The following LEPR variants were observed in gnomAD, a reference collection of about 807,000 sequenced individuals.
LEPR encodes the protein OB receptor.
Under a neutral mutation model 114.7 loss-of-function variants are expected in LEPR, and 56 were observed. The ratio of observed to expected loss-of-function variants is 0.49; its 90% CI spans 0.39 to 0.61. The LOEUF (loss-of-function observed/expected upper bound fraction) is 0.61, where lower values mean the gene tolerates loss of function less well. LEPR is among the 20% of genes least tolerant of loss of function. The probability of loss-of-function intolerance (pLI) is 0.00; values close to 1 mark genes in which losing one functional copy is unlikely to be tolerated. For missense variants in LEPR, 1,202 were observed against 1,352.9 expected (o/e 0.89, Z 1.75); for synonymous variants, 443 against 461.4 (o/e 0.96, Z 0.51).
intron 4 of LEPR, among the ~76,000 whole-genome samples, chr1:65,571,281 T>TA (rs1654130387): frequency 6.6e-6 from 1 of 152,150 alleles, no homozygotes; most frequent in Non-Finnish European, 1.5e-5. Flanking sequence ...ACTGCTATGG[T>TA]ACATGTTTAC....
Position 65,435,651 on chromosome 1 carries a change from G to A in LEPR, c.-21+10273G>A, listed in dbSNP as rs370266530. 79 of 984,542 alleles carry A rather than the reference G, an allele frequency of 8.0e-5. No individual in the cohort carries two copies. In the African/African-American group the frequency reaches 1.3e-3, roughly 16 times the overall value. The allele number at this position is 984,542 out of a possible 1,614,324, so 61.0% of individuals were successfully genotyped here. Reference sequence around the variant, plus strand: ...CAAAGTGCTGGGATTACAGGCCTGAGCCACTGTGCCCAGCCAAAATGTGCC... The same window carrying A: ...CAAAGTGCTGGGATTACAGGCCTGAACCACTGTGCCCAGCCAAAATGTGCC... On this transcript the variant is annotated intron_variant, in intron 2 of 19. Coordinates refer to ENST00000349533, the MANE Select transcript of LEPR (RefSeq NM_002303.6).
intron 2 of LEPR, among the ~76,000 whole-genome samples, chr1:65,484,421 C>T (rs891017054): frequency 6.6e-6 from 1 of 151,956 alleles, no homozygotes; most frequent in Non-Finnish European, 1.5e-5. Flanking sequence ...TCGTTTATCA[C>T]ACACTTGTTT....
intron 2 of LEPR, among the ~76,000 whole-genome samples, chr1:65,549,325 C>G (rs1264974229): frequency 1.1e-3 from 164 of 150,830 alleles, no homozygotes; most frequent in African/African-American, 3.8e-3. Context: ...TTGTGGCGTT[C>G]TCTGTATTTC....
chr1:65,609,706 G>A (rs1224683808), intron 12 of LEPR, among the ~76,000 whole-genome samples: 1 of 152,164 alleles, frequency 6.6e-6, no homozygotes, highest in African/African-American at 2.4e-5. Flanking sequence ...AAGGTTGCAA[G>A]TAAACCAGTT....
At chr1:65,624,757 G>A (rs1051911562) in intron 19 of LEPR, among the ~76,000 whole-genome samples, 7 of 152,184 alleles carry the variant, frequency 4.6e-5, no homozygotes, top group African/African-American at 1.7e-4. Flanking sequence ...ATGATTTGCA[G>A]TTAGAAAAAC....
Position 65,633,336 on chromosome 1 carries a change from AT to A in LEPR, c.2674-2854del. 1 of 1,355,996 alleles carries A rather than the reference AT, an allele frequency of 7.4e-7. No individual in the cohort carries two copies. Among genetic ancestry groups the A allele is most frequent in the South Asian group, 2.1e-5 (1 of 46,816 alleles). The allele number at this position is 1,355,996 out of a possible 1,614,324, so 84.0% of individuals were successfully genotyped here. A position where few individuals can be genotyped will look rare whatever the true frequency, so the allele number is the denominator to read the frequency against. ...GGATTATGTTGATTTAGAACTTAAA[AT>A]AGATGTGTAAATTTGGGTTCAAAAT... On this transcript the variant is annotated intron_variant, in intron 19 of 19. Coordinates refer to ENST00000349533, the MANE Select transcript of LEPR (RefSeq NM_002303.6). The surrounding 1 kb of genome is among the most constrained non-coding windows in gnomAD (Gnocchi z 4.1).
intron 2 of LEPR, among the ~76,000 whole-genome samples, chr1:65,553,947 T>C (rs192488581): frequency 6.6e-5 from 10 of 152,320 alleles, no homozygotes; most frequent in African/African-American, 9.6e-5. Context: ...TAGTTTTCCT[T>C]CTACCAGTCA....
intron 2 of LEPR, among the ~76,000 whole-genome samples, chr1:65,438,773 T>G (rs1363073430): frequency 6.6e-6 from 1 of 152,196 alleles, no homozygotes; most frequent in Admixed American, 6.5e-5. Flanking sequence ...GGTTGGAAAC[T>G]GCTGAAAGCA....
chr1:65,610,586 TA>T (rs1209491691), intron 14 of LEPR, among the ~76,000 whole-genome samples: 1 of 152,182 alleles, frequency 6.6e-6, no homozygotes, highest in Non-Finnish European at 1.5e-5. Flanking sequence ...TGTGTAAATG[TA>T]ATATTGAACT....
chr1:65,491,774 T>C (rs1647885483), intron 2 of LEPR, among the ~76,000 whole-genome samples: 1 of 152,170 alleles, frequency 6.6e-6, no homozygotes, highest in African/African-American at 2.4e-5. Context: ...GTTTCATTTT[T>C]ACCAGTATCC....
chr1:65,489,494 A>C (rs1404318052), intron 2 of LEPR, among the ~76,000 whole-genome samples: 1 of 151,970 alleles, frequency 6.6e-6, no homozygotes, highest in Non-Finnish European at 1.5e-5. Context: ...GAGTTGTTTG[A>C]GTTACTTATA....
chr1:65,531,711 A>G (rs943095881), intron 2 of LEPR, among the ~76,000 whole-genome samples: 4 of 152,170 alleles, frequency 2.6e-5, no homozygotes, highest in Non-Finnish European at 4.4e-5. Flanking sequence ...AATTCTATAA[A>G]TATAACACGT....
chr1:65,518,951 TTTC>T (rs1204783912), intron 2 of LEPR, among the ~76,000 whole-genome samples: 35 of 150,464 alleles, frequency 2.3e-4, no homozygotes, highest in Middle Eastern at 3.4e-3. Flanking sequence ...CTCTTTCTTC[TTTC>T]TTCTTTTTCT....
At position 65,601,900 on chromosome 1, in the gene LEPR, G is replaced by C. The variant is rs770942342; in HGVS notation, c.1343G>C (p.Arg448Thr). The C allele has an allele frequency of 1.9e-5, 31 of 1,613,534 alleles. No individual in the cohort carries two copies. The Admixed American group carries it at 2.5e-4, about 13-fold the overall frequency. ...GGGTACTTAACTAAAATGACTTGCA[G>C]ATGGTCAACCAGTACAATCCAGTCA... Reference protein sequence around the residue: ...TDGYLTKMTCRWSTSTIQSLA... With the variant: ...TDGYLTKMTCTWSTSTIQSLA... The change falls in exon 10 of 20, where the codon AGA becomes ACA. Residue 448 changes from arginine (R) to threonine (T), a missense_variant. By Grantham distance (71) the Arg-to-Thr change is moderately conservative. Coordinates refer to ENST00000349533, the MANE Select transcript of LEPR (RefSeq NM_002303.6).
intron 18 of LEPR, among the ~76,000 whole-genome samples, chr1:65,622,139 A>G (rs1198500372): frequency 3.3e-5 from 5 of 152,092 alleles, no homozygotes; most frequent in African/African-American, 1.2e-4. Context: ...GGAAGAATTT[A>G]GTTTTTTAAA....
In LEPR at chr1:65,434,331, A is replaced by G. The variant is rs938860120; in HGVS notation, c.-21+8953A>G. ...TCCTTATAAAAGGCTCTTTTTTTATATATTGTACAATATATTTGGAGATTC... is the reference window on the plus strand; with the variant it reads ...TCCTTATAAAAGGCTCTTTTTTTATGTATTGTACAATATATTTGGAGATTC... On this transcript the variant is annotated intron_variant, in intron 2 of 19. Coordinates refer to ENST00000349533, the MANE Select transcript of LEPR (RefSeq NM_002303.6). 30 of 985,036 alleles carry G rather than the reference A, an allele frequency of 3.0e-5. No homozygotes were observed. In the African/African-American group the frequency reaches 4.9e-4, roughly 16 times the overall value. 61.0% of individuals were successfully genotyped at this position (985,036 alleles called of 1,614,324 possible). A position where few individuals can be genotyped will look rare whatever the true frequency, so the allele number is the denominator to read the frequency against.
intron 8 of LEPR, among the ~76,000 whole-genome samples, chr1:65,599,872 A>G (rs966665858): frequency 7.2e-5 from 11 of 152,126 alleles, no homozygotes; most frequent in Non-Finnish European, 1.2e-4. Flanking sequence ...TAAATATTCA[A>G]TATCTCATAT....
intron 2 of LEPR, chr1:65,430,407 C>G (rs1420145478): frequency 6.2e-6 from 1 of 162,050 alleles, no homozygotes; most frequent in African/African-American, 2.4e-5. Context: ...AATTCTTCTC[C>G]TGCAAATGGG....
At chr1:65,625,306 C>T (rs1032829167) in intron 19 of LEPR, among the ~76,000 whole-genome samples, 1 of 152,004 alleles carries the variant, frequency 6.6e-6, no homozygotes, top group Non-Finnish European at 1.5e-5. Flanking sequence ...CTCCTTTTGC[C>T]TCTCTAAAAT....
Sources: allele counts gnomAD v4.1 joint callset (sites outside exome capture counted in the v4.1 genomes callset), GRCh38; gene constraint gnomAD v4.1.1; non-coding constraint Gnocchi (gnomAD v3.1); transcripts MANE v1.5; gene names NCBI Gene and HGNC (gene_info 2026-07-23, HGNC 2026-07-21).